The following GDA variants were observed in gnomAD, a reference collection of about 807,000 sequenced individuals.
GDA encodes the protein cytoplasmic PSD-95 interactor.
In GDA, 18 loss-of-function variants were observed where a neutral mutation model predicts 59.6. That is an observed-to-expected ratio of 0.30 (90% CI 0.21 to 0.45). The LOEUF (loss-of-function observed/expected upper bound fraction) is 0.45, where lower values mean the gene tolerates loss of function less well. Ranked by LOEUF, GDA falls within the 20% of genes least tolerant of loss-of-function variation. The pLI, the probability that GDA is intolerant of heterozygous loss-of-function variation, is 1.00. For missense variants in GDA, 427 were observed against 552.3 expected, an observed-to-expected ratio of 0.77 and a Z score of 2.27; for synonymous variants, 201 against 201.1, an observed-to-expected ratio of 1.00 and a Z score of 0.00.
At position 72,195,505 on chromosome 9, in the gene GDA, G is replaced by T; in HGVS notation, c.129G>T (p.Val43=). ...LLGVSDSGKI[V]FLEEASQQEK... is the part of the protein sequence containing the mutation. ...TTTCTTTCTTTCTTTTAAAGATAGT[G>T]TTTTTAGAAGAAGCATCTCAACAGG... Residue 43 remains valine (V), a synonymous_variant, in exon 2 of 14, where the codon GTG becomes GTT. Coordinates refer to ENST00000358399, the MANE Select transcript of GDA (RefSeq NM_004293.5). 1.4e-6 allele frequency: 2 copies of T among 1,445,828 alleles called. No individual in the cohort carries two copies. Among genetic ancestry groups the T allele is most frequent in the Non-Finnish European group, 1.9e-6 (2 of 1,038,452 alleles). 89.6% of individuals were successfully genotyped at this position (1,445,828 alleles called of 1,614,324 possible).
intron 10 of GDA, among the ~76,000 whole-genome samples, chr9:72,239,128 G>A (rs2131757233): frequency 6.6e-6 from 1 of 152,286 alleles, no homozygotes; most frequent in East Asian, 1.9e-4. Flanking sequence ...CAGTCGGGAA[G>A]AATCGGCAAG....
chr9:72,239,253 A>T (rs1015349344), intron 10 of GDA, among the ~76,000 whole-genome samples: 1 of 152,228 alleles, frequency 6.6e-6, no homozygotes, highest in Non-Finnish European at 1.5e-5. Context: ...TTTGGTTTAC[A>T]GTTATTTTAC....
At chr9:72,194,781 T>A (rs184034575) in intron 1 of GDA, among the ~76,000 whole-genome samples, 2 of 152,340 alleles carry the variant, frequency 1.3e-5, no homozygotes, top group East Asian at 3.9e-4. Context: ...AGTCTGTGGC[T>A]AGGCTTGTGG....
At chr9:72,119,678 G>T (rs1456414038) in intron 1 of GDA, among the ~76,000 whole-genome samples, 2 of 152,042 alleles carry the variant, frequency 1.3e-5, no homozygotes, top group Non-Finnish European at 2.9e-5. Context: ...ATAAGAAAGA[G>T]AATAAATTTT....
intron 10 of GDA, among the ~76,000 whole-genome samples, chr9:72,232,787 T>A (rs1838508389): frequency 6.6e-6 from 1 of 152,204 alleles, no homozygotes; most frequent in Non-Finnish European, 1.5e-5. Context: ...GAAAATTAAT[T>A]TTCTAGTAGT....
chr9:72,237,381 T>C (rs1420441203), intron 10 of GDA, among the ~76,000 whole-genome samples: 1 of 152,230 alleles, frequency 6.6e-6, no homozygotes, highest in Non-Finnish European at 1.5e-5. Context: ...TTCTCTCCAT[T>C]GTCCAAGTAA....
At chr9:72,233,748 C>A (rs1158846546) in intron 10 of GDA, among the ~76,000 whole-genome samples, 1 of 152,090 alleles carries the variant, frequency 6.6e-6, no homozygotes, top group Non-Finnish European at 1.5e-5. Context: ...TTGAGATCAG[C>A]CTTGGCAACA....
chr9:72,166,352 A>G (rs1015148423), intron 1 of GDA, among the ~76,000 whole-genome samples: 2 of 150,980 alleles, frequency 1.3e-5, no homozygotes, highest in South Asian at 4.3e-4. Context: ...CAGGAGTTGA[A>G]AAAGTTGATC....
At chr9:72,117,725 G>C (rs1236876744) in intron 1 of GDA, among the ~76,000 whole-genome samples, 1 of 152,174 alleles carries the variant, frequency 6.6e-6, no homozygotes, top group African/African-American at 2.4e-5. Context: ...CCCAATCACT[G>C]TGGCAAAATG....
At chr9:72,200,249 G>A (rs1412819004) in intron 2 of GDA, among the ~76,000 whole-genome samples, 2 of 152,044 alleles carry the variant, frequency 1.3e-5, no homozygotes, top group East Asian at 1.9e-4. Flanking sequence ...GCCCGCCTTG[G>A]CCTCCCAAAG....
intron 10 of GDA, among the ~76,000 whole-genome samples, chr9:72,234,826 G>T (rs1283631084): frequency 6.6e-6 from 1 of 152,192 alleles, no homozygotes; most frequent in Non-Finnish European, 1.5e-5. Context: ...AAACCAGTTT[G>T]CTTTCAGATG....
At position 72,202,648 on chromosome 9, in the gene GDA, T is replaced by C; in HGVS notation, c.290T>C (p.Leu97Pro). 1 of 1,609,032 alleles carries C rather than the reference T, an allele frequency of 6.2e-7. No homozygotes were observed. The highest frequency in any genetic ancestry group is 1.1e-5 in the South Asian group (1 of 90,976). ...QYSFAGSSID[L>P]PLLEWLTKYT... ...TCCTTTGCTGGAAGTAGCATAGACCTGCCACTCTTGGAGTGGCTGACCAAG... is the reference window on the plus strand; with the variant it reads ...TCCTTTGCTGGAAGTAGCATAGACCCGCCACTCTTGGAGTGGCTGACCAAG... The change falls in exon 3 of 14, where the codon CTG (leucine) becomes CCG (proline). Residue 97 changes from leucine (L) to proline (P), a missense_variant. Coordinates refer to ENST00000358399, the MANE Select transcript of GDA (RefSeq NM_004293.5).
intron 3 of GDA, among the ~76,000 whole-genome samples, chr9:72,207,054 G>C (rs1834813157): frequency 6.6e-6 from 1 of 151,806 alleles, no homozygotes; most frequent in Non-Finnish European, 1.5e-5. Context: ...TTTCTTTCTA[G>C]TTAATTTTCT....
At chr9:72,134,002 C>T (rs899922528) in intron 1 of GDA, among the ~76,000 whole-genome samples, 2 of 152,154 alleles carry the variant, frequency 1.3e-5, no homozygotes, top group Non-Finnish European at 2.9e-5. Context: ...TGTGTAAGAA[C>T]CTATCAGATT....
At chr9:72,178,916 T>C (rs1425710925) in intron 1 of GDA, among the ~76,000 whole-genome samples, 1 of 152,216 alleles carries the variant, frequency 6.6e-6, no homozygotes, top group Non-Finnish European at 1.5e-5. Flanking sequence ...TATTTGTACA[T>C]ATATATGGGG....
At chr9:72,230,185 C>T (rs1838156748) in intron 9 of GDA, among the ~76,000 whole-genome samples, 2 of 152,036 alleles carry the variant, frequency 1.3e-5, no homozygotes, top group African/African-American at 4.8e-5. Flanking sequence ...CTTAGTTTTC[C>T]TTTGTCTCTT....
At chr9:72,173,335 CT>C (rs779786795) in intron 1 of GDA, among the ~76,000 whole-genome samples, 828 of 141,134 alleles carry the variant, frequency 5.9e-3, no homozygotes, top group Middle Eastern at 0.011. Context: ...ACTTCCCCTT[CT>C]TTTTTTTTTT....
chr9:72,213,881 T>G lies in GDA; in HGVS notation c.473-5T>G. On this transcript the variant is annotated splice_polypyrimidine_tract_variant and splice_region_variant and intron_variant, in intron 4 of 13. Transcript: ENST00000358399. ...CTTCATATTCTTTTTGTGTATACTT[T>G]ACAGATAAATTTGGACAGCGGGCAT... 6.6e-7 allele frequency: 1 copy of G among 1,515,570 alleles called. No homozygotes were observed. Among genetic ancestry groups the G allele is most frequent in the Middle Eastern group, 1.7e-4 (1 of 5,862 alleles). 93.9% of individuals were successfully genotyped at this position (1,515,570 alleles called of 1,614,324 possible).
At chr9:72,188,297 C>G (rs1832095799) in intron 1 of GDA, among the ~76,000 whole-genome samples, 1 of 152,166 alleles carries the variant, frequency 6.6e-6, no homozygotes, top group Admixed American at 6.5e-5. Context: ...CATCACAGGC[C>G]CAGAGTTCTA....
Sources: gnomAD v4.1 joint callset for allele counts (sites outside exome capture counted in the v4.1 genomes callset) on GRCh38, gnomAD v4.1.1 for gene constraint, MANE v1.5 for transcripts, NCBI Gene and HGNC (gene_info 2026-07-23, HGNC 2026-07-21) for gene names.